Variants in GPATCH1 observed in about 807,000 individuals in gnomAD.
The protein encoded by GPATCH1 is G patch domain-containing protein 1.
Under a neutral mutation model 114.9 loss-of-function variants are expected in GPATCH1, and 73 were observed. The observed-to-expected ratio is 0.64, with a 90% CI of 0.53 to 0.77. The LOEUF (loss-of-function observed/expected upper bound fraction) is 0.77. Ranked by LOEUF, GPATCH1 falls within the 30% of genes least tolerant of loss-of-function variation. The pLI, the probability that GPATCH1 is intolerant of heterozygous loss-of-function variation, is 0.00. For synonymous variants in GPATCH1, 391 were observed against 428.4 expected, an observed-to-expected ratio of 0.91 and a Z score of 1.08; for missense variants, 1,058 against 1,144.3, an observed-to-expected ratio of 0.92 and a Z score of 1.09.
intron 19 of GPATCH1, among the ~76,000 whole-genome samples, chr19:33,128,824 C>A (rs77593568): frequency 6.6e-6 from 1 of 152,126 alleles, no homozygotes; most frequent in Non-Finnish European, 1.5e-5. Flanking sequence ...GAGCACACCA[C>A]GGTATGTTTA....
Position 33,128,314 on chromosome 19 carries a change from G to A in GPATCH1, c.2765+1581G>A, listed in dbSNP as rs554515112. 6.0e-4 allele frequency among the ~76,000 whole-genome samples: 91 copies of A among 152,200 alleles called. 1 individual carries two copies. The highest frequency in any genetic ancestry group is 9.9e-4 in the Non-Finnish European group (67 of 68,000). On this transcript the variant is annotated intron_variant, in intron 19 of 19. Transcript: ENST00000170564. ...CTTGCTCTGTCACCCAAGCTGGAGTGCAGTGGCGCGATCTTGGCTCACTGC... is the reference window on the plus strand; with the variant it reads ...CTTGCTCTGTCACCCAAGCTGGAGTACAGTGGCGCGATCTTGGCTCACTGC...
chr19:33,109,572 A>G (rs1183793761), intron 10 of GPATCH1, 145 bp from the exon 11 acceptor site: 3 of 553,116 alleles, frequency 5.4e-6, no homozygotes, highest in Non-Finnish European at 9.7e-6. Context: ...GTCCACAGGG[A>G]CATATTAATA....
At position 33,115,171 on chromosome 19, in the gene GPATCH1, G is replaced by A. The variant is rs912137106; in HGVS notation, c.2196+752G>A. Among the ~76,000 whole-genome samples, 3 of 146,064 alleles carry A rather than the reference G, an allele frequency of 2.1e-5. No homozygotes were observed. The Admixed American group carries it at 2.1e-4, about 10-fold the overall frequency. On this transcript the variant is annotated intron_variant, in intron 15 of 19. Transcript: ENST00000170564. ...CGAACGCCCAGGTTCAAGCAATCCT[G>A]CCTCAGCCTCCTGAGTAGTTGGGAC...
intron 17 of GPATCH1, among the ~76,000 whole-genome samples, chr19:33,122,016 T>C (rs1972989915): frequency 1.3e-5 from 2 of 152,134 alleles, no homozygotes; most frequent in Non-Finnish European, 2.9e-5. Flanking sequence ...TCAGCACTTT[T>C]GTTTTATTTT....
At chr19:33,086,042 T>C (rs1432085314) in intron 1 of GPATCH1, among the ~76,000 whole-genome samples, 2 of 152,216 alleles carry the variant, frequency 1.3e-5, no homozygotes, top group African/African-American at 4.8e-5. Flanking sequence ...TTTTTGGTTG[T>C]CATGCCTGTG....
chr19:33,082,625 C>T (rs1419219548), intron 1 of GPATCH1, among the ~76,000 whole-genome samples: 17 of 152,116 alleles, frequency 1.1e-4, no homozygotes, highest in Non-Finnish European at 2.5e-4. Flanking sequence ...GGGAGGATTG[C>T]TTGAGGTCAG....
chr19:33,115,371 C>CA (rs1314150810), intron 15 of GPATCH1, among the ~76,000 whole-genome samples: 1 of 149,490 alleles, frequency 6.7e-6, no homozygotes, highest in Non-Finnish European at 1.5e-5. Context: ...CCACCATGCC[C>CA]AGTTGACCCT....
chr19:33,122,355 C>A (rs572296137), intron 17 of GPATCH1, among the ~76,000 whole-genome samples: 1 of 146,038 alleles, frequency 6.8e-6, no homozygotes, highest in African/African-American at 2.6e-5. Context: ...GACGGAGTCT[C>A]GCTCTGTCAC....
At chr19:33,093,582 T>G in intron 4 of GPATCH1, 63 bp downstream of exon 4, 5 of 1,427,378 alleles carry the variant, frequency 3.5e-6, no homozygotes, top group Non-Finnish European at 3.9e-6. Flanking sequence ...TGTGATTCTC[T>G]TGCTGAGGGA....
rs762687316 is a variant in GPATCH1 at position 33,113,812 on chromosome 19, A to G, written c.1938A>G (p.Ser646=). ...CAAGAGTGAAGCGTGACAAGTACTC[A>G]GTCTTCAACTTTCTGACGCTCCCAG... The part of the protein sequence containing the change: ...GLPRVKRDKY[S]VFNFLTLPET... The change falls in exon 14 of 20, where the codon TCA becomes TCG. Residue 646 remains serine, a synonymous_variant. Coordinates refer to ENST00000170564, the MANE Select transcript of GPATCH1 (RefSeq NM_018025.3). 2.5e-6 allele frequency: 4 copies of G among 1,613,718 alleles called. No individual in the cohort carries two copies. The highest frequency in any genetic ancestry group is 1.7e-5 in the Admixed American group (1 of 60,006).
Position 33,095,640 on chromosome 19 carries a change from G to A in GPATCH1, c.554-122G>A, listed in dbSNP as rs1023878333. On this transcript the variant is annotated intron_variant, in intron 5 of 19. Transcript: ENST00000170564. ...TGGTCTTGAACTCCTGGGCTCAAGC[G>A]ATCCTCTCACCTCAGCCTCCCAGAG... 5.8e-5 allele frequency: 42 copies of A among 721,040 alleles called. No individual in the cohort carries two copies. The East Asian group carries it at 9.3e-4, about 16-fold the overall frequency. The allele number at this position is 721,040 out of a possible 1,614,324, so 44.7% of individuals were successfully genotyped here.
rs1318368514 is a variant in GPATCH1 at position 33,096,405 on chromosome 19, A to G, written c.811A>G (p.Ile271Val). The change falls in exon 7 of 20, where the codon ATT becomes GTT. Residue 271 changes from isoleucine (I) to valine (V), a missense_variant. Physicochemically the swap from Ile to Val is conservative, Grantham distance 29 (BLOSUM62 3). Coordinates refer to ENST00000170564, the MANE Select transcript of GPATCH1 (RefSeq NM_018025.3). ...TGAGAGAGCTGGCGATCTTGGAGAA[A>G]TTGGACTGAATAAAGGAAGAAAATT... ...GSERAGDLGE[I>V]GLNKGRKLGI... The G allele has an allele frequency of 1.9e-6, 3 of 1,613,968 alleles. No homozygotes were observed. The highest frequency in any genetic ancestry group is 8.5e-7 in the Non-Finnish European group (1 of 1,179,862).
intron 11 of GPATCH1, 77 bp from the exon 12 acceptor site, chr19:33,111,647 G>A: frequency 7.8e-7 from 1 of 1,279,346 alleles, no homozygotes; most frequent in East Asian, 2.3e-5. Context: ...GGATACAGTG[G>A]TGCCCAGCAG....
At chr19:33,115,818 G>A (rs1370910334) in intron 15 of GPATCH1, among the ~76,000 whole-genome samples, 1 of 152,088 alleles carries the variant, frequency 6.6e-6, no homozygotes, top group Non-Finnish European at 1.5e-5. Context: ...TATAAACACC[G>A]TGTCACTGAG....
In GPATCH1 at chr19:33,119,049, C is replaced by G; in HGVS notation, c.2453C>G (p.Pro818Arg). 1.2e-6 allele frequency: 2 copies of G among 1,613,304 alleles called. No homozygotes were observed. The highest frequency in any genetic ancestry group is 1.7e-6 in the Non-Finnish European group (2 of 1,179,678). Residue 818 changes from proline (P) to arginine (R), a missense_variant, in exon 17 of 20, where the codon CCG (proline) becomes CGG (arginine). Transcript: ENST00000170564. ...CCCCAGGAGCCGCCACCTTCCTTCC[C>G]GATACAAAAGATGCAGATAGATGAA... ...PAPQEPPPSFPIQKMQIDERE... is the reference protein window; with the variant it reads ...PAPQEPPPSFRIQKMQIDERE...
In GPATCH1 at chr19:33,093,373, T is replaced by C. The variant is rs1298562189; in HGVS notation, c.309T>C (p.Phe103=). 1.2e-6 allele frequency: 2 copies of C among 1,611,512 alleles called. No homozygotes were observed. The highest frequency in any genetic ancestry group is 1.1e-5 in the South Asian group (1 of 90,792). The change falls in exon 4 of 20, where the codon TTT becomes TTC. Residue 103 remains phenylalanine, a synonymous_variant. Coordinates refer to ENST00000170564, the MANE Select transcript of GPATCH1 (RefSeq NM_018025.3). The stretch of plus-strand genomic sequence containing the variant: ...TTTTTTTGAAGGATCTTAGTGAATT[T>C]GGGATAGCACCTAAAGCGATTGTCA... ...DFMDEEDLSE[F]GIAPKAIVTT...
intron 11 of GPATCH1, among the ~76,000 whole-genome samples, chr19:33,111,216 C>T (rs1972848449): frequency 6.6e-6 from 1 of 151,168 alleles, no homozygotes; most frequent in African/African-American, 2.4e-5. Flanking sequence ...TTTCCCGTCT[C>T]TACTAAAAAT....
At chr19:33,104,040 C>G (rs1369663791) in intron 9 of GPATCH1, among the ~76,000 whole-genome samples, 5 of 152,096 alleles carry the variant, frequency 3.3e-5, no homozygotes. Context: ...GAAATACTTT[C>G]AATCCAAGAC....
In GPATCH1 at chr19:33,125,188, C is replaced by A. The variant is rs201630160; in HGVS notation, c.2605C>A (p.Arg869=). The part of the protein sequence containing the change: ...DKHKAKKEHR[R]KKEKKKKHRK... Reference sequence around the variant, plus strand: ...GCACAAGGCCAAGAAAGAGCACAGGCGGAAGAAAGAGAAGGTGAGAGACTT... The same window carrying A: ...GCACAAGGCCAAGAAAGAGCACAGGAGGAAGAAAGAGAAGGTGAGAGACTT... Residue 869 remains arginine, a synonymous_variant, in exon 18 of 20, where the codon CGG becomes AGG. Coordinates refer to ENST00000170564, the MANE Select transcript of GPATCH1 (RefSeq NM_018025.3). 3.1e-6 allele frequency: 5 copies of A among 1,593,494 alleles called. No individual in the cohort carries two copies. Among genetic ancestry groups the A allele is most frequent in the Non-Finnish European group, 4.3e-6 (5 of 1,170,044 alleles).
Sources: allele counts gnomAD v4.1 joint callset (sites outside exome capture counted in the v4.1 genomes callset), GRCh38; gene constraint gnomAD v4.1.1; transcripts MANE v1.5; gene names NCBI Gene and HGNC (gene_info 2026-07-23, HGNC 2026-07-21).